The following TBC1D32 variants were observed in gnomAD, a reference collection of about 807,000 sequenced individuals.
TBC1D32 encodes protein broad-minded.
Under a neutral mutation model 170.3 loss-of-function variants are expected in TBC1D32, and 151 were observed. That is an observed-to-expected ratio of 0.89 (90% CI 0.78 to 1.01). The LOEUF (loss-of-function observed/expected upper bound fraction) is 1.01, where lower values mean the gene tolerates loss of function less well. Among genes scored for constraint, TBC1D32 ranks in the 50% least tolerant of loss-of-function variants. The probability of loss-of-function intolerance (pLI) is 0.00; values close to 1 mark genes in which losing one functional copy is unlikely to be tolerated. For synonymous variants in TBC1D32, 498 were observed against 488.0 expected (o/e 1.02, Z -0.27); for missense variants, 1,464 against 1,457.1 (o/e 1.00, Z -0.08).
At chr6:121,081,114 C>G (rs983884757) in intron 31 of TBC1D32, among the ~76,000 whole-genome samples, 1 of 151,810 alleles carries the variant, frequency 6.6e-6, no homozygotes, top group African/African-American at 2.4e-5. Flanking sequence ...ATTTTCAAAA[C>G]CAAAAATGAT....
chr6:121,113,026 A>G (rs1779344359), intron 28 of TBC1D32, 36 bp downstream of exon 28: 1 of 1,474,804 alleles, frequency 6.8e-7, no homozygotes, highest in African/African-American at 1.4e-5. Context: ...TATGTGAAAA[A>G]AATTAAGCTA....
At chr6:121,082,996 T>C (rs968028162) in intron 31 of TBC1D32, among the ~76,000 whole-genome samples, 1 of 152,024 alleles carries the variant, frequency 6.6e-6, no homozygotes, top group African/African-American at 2.4e-5. Flanking sequence ...TATCTACATT[T>C]TACATTTTGT....
chr6:121,152,992 C>T (rs1378150912), intron 24 of TBC1D32, among the ~76,000 whole-genome samples: 1 of 152,138 alleles, frequency 6.6e-6, no homozygotes, highest in African/African-American at 2.4e-5. Flanking sequence ...CCTTCTAAAG[C>T]CTACTGTCAA....
chr6:121,185,565 G>T (rs1044936863), intron 22 of TBC1D32, among the ~76,000 whole-genome samples: 1 of 152,070 alleles, frequency 6.6e-6, no homozygotes, highest in Non-Finnish European at 1.5e-5. Flanking sequence ...CATCCAGATT[G>T]CCATAGGCAG....
intron 30 of TBC1D32, among the ~76,000 whole-genome samples, chr6:121,101,071 G>A (rs1349511835): frequency 6.6e-6 from 1 of 152,044 alleles, no homozygotes; most frequent in Admixed American, 6.6e-5. Flanking sequence ...CCAATAACGG[G>A]CTCTGAAATT....
At chr6:121,194,444 G>A (rs1378161279) in intron 22 of TBC1D32, among the ~76,000 whole-genome samples, 2 of 152,312 alleles carry the variant, frequency 1.3e-5, no homozygotes, top group East Asian at 1.9e-4. Context: ...GGATGCATAG[G>A]TGGTGATTCC....
intron 24 of TBC1D32, among the ~76,000 whole-genome samples, chr6:121,136,569 C>T (rs1415504682): frequency 6.6e-6 from 1 of 151,798 alleles, no homozygotes; most frequent in Non-Finnish European, 1.5e-5. Context: ...GCAAATTACC[C>T]AAAATATTAA....
Position 121,299,053 on chromosome 6 carries a change from T to C in TBC1D32, c.1140+393A>G, listed in dbSNP as rs946377491. On this transcript the variant is annotated intron_variant, in intron 10 of 31. Coordinates refer to ENST00000398212, the MANE Select transcript of TBC1D32 (RefSeq NM_152730.6). The stretch of plus-strand genomic sequence containing the variant: ...AAACCAATTATTGAAAATGCAAAAG[T>C]ATTTATCATTTTGAGTTTTTCCATG... 3.3e-5 allele frequency among the ~76,000 whole-genome samples: 5 copies of C among 152,242 alleles called. No homozygotes were observed. The South Asian group carries it at 1.0e-3, about 32-fold the overall frequency.
At chr6:121,216,094 A>G (rs528460395) in intron 21 of TBC1D32, among the ~76,000 whole-genome samples, 5 of 152,352 alleles carry the variant, frequency 3.3e-5, no homozygotes, top group South Asian at 4.1e-4. Flanking sequence ...GCCAAAGGAA[A>G]TTAACATTTG....
chr6:121,096,581 T>C (rs1777438979), intron 30 of TBC1D32, among the ~76,000 whole-genome samples: 1 of 152,158 alleles, frequency 6.6e-6, no homozygotes, highest in Admixed American at 6.6e-5. Context: ...TCCATGCTCA[T>C]GGATAGGAAG....
chr6:121,274,043 A>G (rs946965085), intron 15 of TBC1D32, among the ~76,000 whole-genome samples: 4 of 152,130 alleles, frequency 2.6e-5, no homozygotes, highest in African/African-American at 9.7e-5. Flanking sequence ...AAAACAAAAC[A>G]AAACAAAAAA....
chr6:121,120,154 C>T (rs1780107412), intron 26 of TBC1D32, among the ~76,000 whole-genome samples: 1 of 151,982 alleles, frequency 6.6e-6, no homozygotes. Context: ...AATCAATCAA[C>T]AGAAAGTCAC....
intron 15 of TBC1D32, among the ~76,000 whole-genome samples, chr6:121,263,914 A>G (rs1183032529): frequency 6.6e-6 from 1 of 152,212 alleles, no homozygotes; most frequent in Non-Finnish European, 1.5e-5. Context: ...AATGTACCAA[A>G]ATCACTGGGA....
intron 9 of TBC1D32, among the ~76,000 whole-genome samples, chr6:121,300,689 G>C (rs760393442): frequency 1.3e-5 from 2 of 152,114 alleles, no homozygotes; most frequent in Non-Finnish European, 2.9e-5. Context: ...ATTGACAAAT[G>C]GGACCTGATT....
At chr6:121,279,019 T>G in intron 15 of TBC1D32, 102 bp downstream of exon 15, 1 of 1,314,360 alleles carries the variant, frequency 7.6e-7, no homozygotes, top group Non-Finnish European at 1.0e-6. Flanking sequence ...TCCATAATCC[T>G]GGTTACTCCA....
chr6:121,150,115 AT>A (rs1376892411), intron 24 of TBC1D32, among the ~76,000 whole-genome samples: 1 of 152,114 alleles, frequency 6.6e-6, no homozygotes, highest in Non-Finnish European at 1.5e-5. Context: ...ATGCTTCCAA[AT>A]TTTGCCCATT....
intron 24 of TBC1D32, among the ~76,000 whole-genome samples, chr6:121,132,664 G>A (rs756254567): frequency 2.6e-5 from 4 of 151,900 alleles, no homozygotes; most frequent in African/African-American, 9.7e-5. Context: ...TGGAGGTAGA[G>A]ATTTTCTGCA....
intron 30 of TBC1D32, among the ~76,000 whole-genome samples, chr6:121,104,491 A>T (rs972566983): frequency 6.6e-6 from 1 of 151,732 alleles, no homozygotes; most frequent in Non-Finnish European, 1.5e-5. Context: ...ACATATAAAC[A>T]ATTATGTAGA....
intron 1 of TBC1D32, among the ~76,000 whole-genome samples, chr6:121,324,168 G>A (rs1810143380): frequency 6.6e-6 from 1 of 152,130 alleles, no homozygotes; most frequent in African/African-American, 2.4e-5. Context: ...AAAAATATCA[G>A]AAGTGTTATA....
Sources: allele counts gnomAD v4.1 joint callset (sites outside exome capture counted in the v4.1 genomes callset), GRCh38; gene constraint gnomAD v4.1.1; transcripts MANE v1.5; gene names NCBI Gene and HGNC (gene_info 2026-07-23, HGNC 2026-07-21).